PTBP2: variants seen among roughly 807,000 people sequenced by gnomAD.
PTBP2 encodes polypyrimidine tract binding protein 2, also known as polypyrimidine tract-binding protein 2.
In PTBP2, 13 loss-of-function variants were observed where a neutral mutation model predicts 61.4. The ratio of observed to expected loss-of-function variants is 0.21; its 90% CI spans 0.14 to 0.34. PTBP2 has a LOEUF of 0.34. PTBP2 is among the 10% of genes least tolerant of loss of function. The pLI, the probability that PTBP2 is intolerant of heterozygous loss-of-function variation, is 1.00. For synonymous variants in PTBP2, 215 were observed against 218.5 expected (o/e 0.98, Z 0.14); for missense variants, 405 against 642.6 (o/e 0.63, Z 4.00).
At chr1:96,762,815 T>G (rs531869871) in intron 3 of PTBP2, among the ~76,000 whole-genome samples, 2 of 149,436 alleles carry the variant, frequency 1.3e-5, no homozygotes, top group African/African-American at 5.0e-5. Flanking sequence ...GCTCCTCACT[T>G]CTCAGATGGG....
chr1:96,806,532 T>G, intron 10 of PTBP2, 80 bp downstream of exon 10: 1 of 1,434,478 alleles, frequency 7.0e-7, no homozygotes, highest in Non-Finnish European at 9.7e-7. Context: ...GCTAGCACTT[T>G]GGCTTAAAGT....
chr1:96,787,062 C>T (rs1053082410), intron 8 of PTBP2, among the ~76,000 whole-genome samples: 3 of 152,100 alleles, frequency 2.0e-5, no homozygotes, highest in African/African-American at 7.2e-5. Flanking sequence ...ACTCTGTCGC[C>T]CGTGTCAGAG....
exon 14 of PTBP2, chr1:96,821,316 C>A (rs2101322431): frequency 6.6e-6 from 1 of 152,098 alleles, no homozygotes; most frequent in Admixed American, 6.5e-5. Flanking sequence ...TAATTTATTA[C>A]CTCGACTTTC....
In PTBP2 at chr1:96,721,786, C is replaced by T. The variant is rs377123914; in HGVS notation, c.-79C>T. 973 of 1,541,778 alleles carry T rather than the reference C, an allele frequency of 6.3e-4. No individual in the cohort carries two copies. Among genetic ancestry groups the T allele is most frequent in the Non-Finnish European group, 7.8e-4 (887 of 1,140,452 alleles). Reference sequence around the variant, plus strand: ...TTCGGCAATTTCCGTCGGGCCCCAGCCGCCATTTTCTCGCCGCTTGTGTGG... The same window carrying T: ...TTCGGCAATTTCCGTCGGGCCCCAGTCGCCATTTTCTCGCCGCTTGTGTGG... On this transcript the variant is annotated 5_prime_UTR_variant, in exon 1 of 14. Transcript: ENST00000674951.
intron 2 of PTBP2, chr1:96,751,210 C>CT: frequency 3.2e-6 from 2 of 622,758 alleles, no homozygotes. Context: ...GTCTTTTGGG[C>CT]TTAGAGTAAA....
chr1:96,760,890 A>T (rs753969502), intron 3 of PTBP2, among the ~76,000 whole-genome samples: 23 of 152,224 alleles, frequency 1.5e-4, no homozygotes, highest in Non-Finnish European at 2.5e-4. Flanking sequence ...CCCAAACTTG[A>T]AATAACCCAA....
chr1:96,778,194 A>G (rs967453739), intron 7 of PTBP2, among the ~76,000 whole-genome samples: 17 of 147,304 alleles, frequency 1.2e-4, no homozygotes, highest in African/African-American at 4.2e-4. Flanking sequence ...TAATTTAAGG[A>G]CAAAAGTTTG....
chr1:96,734,903 CTTTTTTTTTTTTTT>C (rs369053938), intron 2 of PTBP2, among the ~76,000 whole-genome samples: 2 of 124,968 alleles, frequency 1.6e-5, no homozygotes, highest in Non-Finnish European at 3.3e-5. Flanking sequence ...CTTTTTTTTT[CTTTTTTTTTTTTTT>C]TTTTTCCTGC....
At chr1:96,791,583 A>AG (rs1447258113) in intron 8 of PTBP2, among the ~76,000 whole-genome samples, 1 of 152,136 alleles carries the variant, frequency 6.6e-6, no homozygotes, top group Admixed American at 6.6e-5. Flanking sequence ...GAAACCCCAG[A>AG]GGAGAGGGGT....
chr1:96,726,037 T>C (rs1232849648), intron 2 of PTBP2, among the ~76,000 whole-genome samples: 2 of 116,958 alleles, frequency 1.7e-5, no homozygotes, highest in Non-Finnish European at 3.2e-5. Context: ...ATTGCACCAC[T>C]GCACTCCAGC....
At chr1:96,806,690 T>C (rs1249941468) in intron 10 of PTBP2, 176 bp from the exon 11 acceptor site, 1 of 662,710 alleles carries the variant, frequency 1.5e-6, no homozygotes, top group East Asian at 2.8e-5. Context: ...AATTATTCTT[T>C]TCAAAATTCA....
chr1:96,797,039 A>C (rs1301745898), intron 8 of PTBP2, among the ~76,000 whole-genome samples: 1 of 152,160 alleles, frequency 6.6e-6, no homozygotes, highest in African/African-American at 2.4e-5. Flanking sequence ...TGATGCAGGG[A>C]ATGGAGAAGA....
At chr1:96,757,111 G>A (rs1479944013) in intron 3 of PTBP2, among the ~76,000 whole-genome samples, 2 of 152,112 alleles carry the variant, frequency 1.3e-5, no homozygotes, top group Admixed American at 6.6e-5. Flanking sequence ...TTACTCATGC[G>A]CTTGCATTGC....
chr1:96,790,981 A>G (rs1220664746), intron 8 of PTBP2, among the ~76,000 whole-genome samples: 2 of 151,406 alleles, frequency 1.3e-5, no homozygotes, highest in Non-Finnish European at 2.9e-5. Flanking sequence ...AAATACCAAT[A>G]GATTATAAAT....
intron 2 of PTBP2, among the ~76,000 whole-genome samples, chr1:96,734,903 C>CTTTTTTTTTTTTT (rs369053938): frequency 1.3e-4 from 16 of 124,952 alleles, no homozygotes; most frequent in Admixed American, 2.6e-4. Context: ...CTTTTTTTTT[C>CTTTTTTTTTTTTT]TTTTTTTTTT....
chr1:96,728,806 T>C (rs1050079557), intron 2 of PTBP2, among the ~76,000 whole-genome samples: 4 of 138,812 alleles, frequency 2.9e-5, no homozygotes, highest in Admixed American at 2.3e-4. Context: ...GTCTTTAATT[T>C]CTTTAAGCAT....
intron 3 of PTBP2, among the ~76,000 whole-genome samples, chr1:96,763,992 A>T (rs1021418285): frequency 2.6e-5 from 4 of 152,226 alleles, no homozygotes; most frequent in African/African-American, 9.6e-5. Context: ...TGTTACAAGG[A>T]CACTTTTATG....
downstream of PTBP2, chr1:96,816,677 T>C (rs897446679): frequency 6.6e-6 from 1 of 152,184 alleles, no homozygotes; most frequent in African/African-American, 2.4e-5. Context: ...AGTGAAATTA[T>C]GGTGATTAGC....
intron 3 of PTBP2, among the ~76,000 whole-genome samples, chr1:96,762,314 A>G (rs1195798375): frequency 6.7e-6 from 1 of 150,108 alleles, no homozygotes; most frequent in Non-Finnish European, 1.5e-5. Context: ...GGCCGGGCAG[A>G]GGCGCCCCTC....
Sources: gnomAD v4.1 joint callset for allele counts (sites outside exome capture counted in the v4.1 genomes callset) on GRCh38, gnomAD v4.1.1 for gene constraint, MANE v1.5 for transcripts, NCBI Gene and HGNC (gene_info 2026-07-23, HGNC 2026-07-21) for gene names.